CFAP97D2: variants seen among roughly 807,000 people sequenced by gnomAD.
The protein encoded by CFAP97D2 is CFAP97 domain containing 2.
At chr13:114,197,109 C>T (rs529694120) in intron 2 of CFAP97D2, among the ~76,000 whole-genome samples, 1 of 152,240 alleles carries the variant, frequency 6.6e-6, no homozygotes, top group South Asian at 2.1e-4. Context: ...AAATATTGCT[C>T]ATCAGAGTTA....
At chr13:114,198,699 G>A (rs1265662205) in intron 2 of CFAP97D2, among the ~76,000 whole-genome samples, 1 of 104,370 alleles carries the variant, frequency 9.6e-6, no homozygotes, top group Non-Finnish European at 1.9e-5. Context: ...CGTGCGTACG[G>A]TCCCCGCTGA....
rs894066194 is a variant in CFAP97D2, at chr13:114,211,282, G to C, written c.291-630G>C. Among the ~76,000 whole-genome samples, 3 of 152,154 alleles carry C rather than the reference G, an allele frequency of 2.0e-5. No individual in the cohort carries two copies. The highest frequency in any genetic ancestry group is 7.2e-5 in the African/African-American group (3 of 41,438). On this transcript the variant is annotated intron_variant, in intron 3 of 4. Coordinates refer to ENST00000646158, the Ensembl canonical transcript of CFAP97D2. This position sits in a 1 kb window ranked among gnomAD's most constrained non-coding sequence, Gnocchi z 4.2. ...ACCGGTCCCATCTCACCACTGCAGT[G>C]GGCTGGCATCGATGCCCCTCCCTCC...
chr13:114,219,721 C>T (rs912155301), intron 4 of CFAP97D2, among the ~76,000 whole-genome samples: 2 of 152,238 alleles, frequency 1.3e-5, no homozygotes, highest in African/African-American at 4.8e-5. Context: ...CCCCACTGCC[C>T]TGTACCTGGA....
At chr13:114,200,468 C>T (rs2080912490) in intron 3 of CFAP97D2, 25 bp downstream of exon 3, 1 of 398,526 alleles carries the variant, frequency 2.5e-6, no homozygotes. Flanking sequence ...CCTGCCATCC[C>T]ACCCGGCTCA....
chr13:114,180,635 C>T (rs1262603457), intron 1 of CFAP97D2, among the ~76,000 whole-genome samples: 9 of 152,320 alleles, frequency 5.9e-5, no homozygotes, highest in Middle Eastern at 3.4e-3. Flanking sequence ...CTGCCCACCA[C>T]GATGTTCTCT....
rs374852066 is a variant in CFAP97D2 at position 114,211,526 on chromosome 13, C to T, written c.291-386C>T. On this transcript the variant is annotated intron_variant, in intron 3 of 4. Transcript: ENST00000646158. This position sits in a 1 kb window ranked among gnomAD's most constrained non-coding sequence, Gnocchi z 4.2. The stretch of plus-strand genomic sequence containing the variant: ...TGCCCTCCCCGCCTGGGACCCTGCT[C>T]TCCGCCATGGGTGCCCGGGTGCTCG... Among the ~76,000 whole-genome samples, 425 of 152,188 alleles carry T rather than the reference C, an allele frequency of 2.8e-3. 20 individuals carry two copies. The South Asian group carries it at 0.074, about 27-fold the overall frequency.
chr13:114,191,385 G>C (rs1367187083), intron 1 of CFAP97D2, among the ~76,000 whole-genome samples: 1 of 152,142 alleles, frequency 6.6e-6, no homozygotes, highest in Non-Finnish European at 1.5e-5. Context: ...ATAAAAGACT[G>C]TTTCCAAAAT....
chr13:114,217,155 G>C (rs1399452613), intron 4 of CFAP97D2, among the ~76,000 whole-genome samples: 2 of 152,168 alleles, frequency 1.3e-5, no homozygotes, highest in African/African-American at 2.4e-5. Context: ...GAATAAAAGA[G>C]AGAAGAATCA....
At position 114,197,201 on chromosome 13, in the gene CFAP97D2, A is replaced by AT. The variant is rs528102813; in HGVS notation, c.171+729dup. Among the ~76,000 whole-genome samples the AT allele has an allele frequency of 1.2e-4, 18 of 152,334 alleles. No homozygotes were observed. In the South Asian group the frequency reaches 2.3e-3, roughly 19 times the overall value. On this transcript the variant is annotated intron_variant, in intron 2 of 4. Transcript: ENST00000646158. ...GAAGGAGATTCTCTACAGAATGTAG[A>AT]TTTTCCCCACAAGAGACAGCTTTGC...
chr13:114,182,898 T>C (rs1016379586), intron 1 of CFAP97D2, among the ~76,000 whole-genome samples: 8 of 152,190 alleles, frequency 5.3e-5, no homozygotes, highest in Non-Finnish European at 7.3e-5. Flanking sequence ...CCTTTCTACA[T>C]AGACACAGTG....
At chr13:114,201,630 G>A (rs750809603) in intron 3 of CFAP97D2, among the ~76,000 whole-genome samples, 3 of 152,214 alleles carry the variant, frequency 2.0e-5, no homozygotes, top group Non-Finnish European at 4.4e-5. Flanking sequence ...TTTGGGGCTT[G>A]ATAACTGGCT....
At chr13:114,190,869 T>G (rs1204713660) in intron 1 of CFAP97D2, among the ~76,000 whole-genome samples, 3 of 152,208 alleles carry the variant, frequency 2.0e-5, no homozygotes, top group Non-Finnish European at 4.4e-5. Flanking sequence ...ACTCATGGAC[T>G]TTGAGACTTA....
chr13:114,209,271 A>G (rs2080955742), intron 3 of CFAP97D2, among the ~76,000 whole-genome samples: 1 of 152,264 alleles, frequency 6.6e-6, no homozygotes, highest in South Asian at 2.1e-4. Context: ...TCAAGTAGCC[A>G]AAGTCATCAT....
At chr13:114,191,595 A>C (rs1212599929) in intron 1 of CFAP97D2, among the ~76,000 whole-genome samples, 2 of 152,234 alleles carry the variant, frequency 1.3e-5, no homozygotes, top group African/African-American at 4.8e-5. Context: ...GACAACACCA[A>C]ATACTGTCAA....
intron 4 of CFAP97D2, among the ~76,000 whole-genome samples, chr13:114,216,773 C>T (rs1395336393): frequency 6.6e-6 from 1 of 152,164 alleles, no homozygotes; most frequent in Non-Finnish European, 1.5e-5. Flanking sequence ...GTCTTTATAG[C>T]AGCATGATTT....
chr13:114,179,402 T>C lies in CFAP97D2; in HGVS notation c.72T>C (p.Tyr24=), dbSNP rs2080824865. ...TGTGGCATGCAAGGGAGAAAGCCTATCAGGACCACAGGAGAAAGGTAGGAA... is the reference window on the plus strand; with the variant it reads ...TGTGGCATGCAAGGGAGAAAGCCTACCAGGACCACAGGAGAAAGGTAGGAA... The change falls in exon 1 of 5, where the codon TAT becomes TAC. Residue 24 remains tyrosine (Y), a synonymous_variant. Coordinates refer to ENST00000646158, the Ensembl canonical transcript of CFAP97D2. The surrounding 1 kb of genome is among the most constrained non-coding windows in gnomAD (Gnocchi z 4.8). 2.5e-6 allele frequency: 1 copy of C among 398,586 alleles called. No homozygotes were observed. Among genetic ancestry groups the C allele is most frequent in the Non-Finnish European group, 4.4e-6 (1 of 226,076 alleles). The allele number at this position is 398,586 out of a possible 1,614,324, so 24.7% of individuals were successfully genotyped here.
At chr13:114,206,708 T>A (rs568706362) in intron 3 of CFAP97D2, among the ~76,000 whole-genome samples, 1 of 152,198 alleles carries the variant, frequency 6.6e-6, no homozygotes, top group Non-Finnish European at 1.5e-5. Flanking sequence ...CCTAAGGAAG[T>A]GATGAAAATC....
Position 114,211,875 on chromosome 13 carries a change from A to G in CFAP97D2, c.291-37A>G, listed in dbSNP as rs2080967912. ...GTGGAGGGAATGGCAGCCTTAATAA[A>G]ATCCAAATTTCAAAATGTGTGTGCT... On this transcript the variant is annotated intron_variant, in intron 3 of 4. Transcript: ENST00000646158. This position sits in a 1 kb window ranked among gnomAD's most constrained non-coding sequence, Gnocchi z 4.2. 1 of 398,500 alleles carries G rather than the reference A, an allele frequency of 2.5e-6. No homozygotes were observed. Among genetic ancestry groups the G allele is most frequent in the Admixed American group, 4.4e-5 (1 of 22,710 alleles). 24.7% of individuals were successfully genotyped at this position (398,500 alleles called of 1,614,324 possible).
rs2080861376 is a variant in CFAP97D2 at position 114,189,293 on chromosome 13, A to T, written c.91-7103A>T. ...ATCTGCCAAAATTCACACAAAATGA[A>T]ATAGGCAATCTGAATAGACCCATAT... is the stretch of plus-strand genomic sequence containing the variant. On this transcript the variant is annotated intron_variant, in intron 1 of 4. Transcript: ENST00000646158. This position sits in a 1 kb window ranked among gnomAD's most constrained non-coding sequence, Gnocchi z 4.5. Among the ~76,000 whole-genome samples, 1 of 152,206 alleles carries T rather than the reference A, an allele frequency of 6.6e-6. No individual in the cohort carries two copies. The highest frequency in any genetic ancestry group is 2.1e-4 in the South Asian group (1 of 4,836).
Sources: allele counts gnomAD v4.1 joint callset (sites outside exome capture counted in the v4.1 genomes callset), GRCh38; gene constraint gnomAD v4.1.1; non-coding constraint Gnocchi (gnomAD v3.1); transcripts MANE v1.5; gene names NCBI Gene and HGNC (gene_info 2026-07-23, HGNC 2026-07-21).